RIC1: variants seen among roughly 807,000 people sequenced by gnomAD.
RIC1 encodes the protein guanine nucleotide exchange factor subunit RIC1.
A neutral mutation model predicts 169.0 loss-of-function variants in RIC1; 88 were observed. That is an observed-to-expected ratio of 0.52 (90% confidence interval 0.44 to 0.62). RIC1 has a LOEUF of 0.62. Among genes scored for constraint, RIC1 ranks in the 20% least tolerant of loss-of-function variants. The pLI is 0.00. For synonymous variants in RIC1, 790 were observed against 601.5 expected (o/e 1.31, Z -4.59); for missense variants, 1,877 against 1,725.5 (o/e 1.09, Z -1.56).
Position 5,775,939 on chromosome 9 carries a change from C to T in RIC1, c.*1693C>T, listed in dbSNP as rs1250259876. 6.6e-6 allele frequency: 1 copy of T among 152,130 alleles called. No homozygotes were observed. The highest frequency in any genetic ancestry group is 1.5e-5 in the Non-Finnish European group (1 of 68,002). 9.4% of individuals were successfully genotyped at this position (152,130 alleles called of 1,614,324 possible). A position where few individuals can be genotyped will look rare whatever the true frequency, so the allele number is the denominator to read the frequency against. The stretch of plus-strand genomic sequence containing the variant: ...ATAATGTTTTGCATGTGAGTACATG[C>T]AGCCCAGCAAGAAACTAAACTGAAC... On this transcript the variant is annotated 3_prime_UTR_variant, in exon 26 of 26. Transcript: ENST00000414202.
chr9:5,675,754 A>G (rs1188554954), intron 2 of RIC1, among the ~76,000 whole-genome samples: 1 of 152,226 alleles, frequency 6.6e-6, no homozygotes, highest in Non-Finnish European at 1.5e-5. Flanking sequence ...AATCATATGT[A>G]AAAACTAATG....
chr9:5,705,834 G>C (rs1246141166), intron 3 of RIC1, among the ~76,000 whole-genome samples: 1 of 151,822 alleles, frequency 6.6e-6, no homozygotes, highest in African/African-American at 2.4e-5. Context: ...CTCATTTGTT[G>C]AGTGTTTTTA....
At chr9:5,757,496 T>G (rs1383664656) in intron 17 of RIC1, 45 bp downstream of exon 17, 1 of 1,605,092 alleles carries the variant, frequency 6.2e-7, no homozygotes, top group South Asian at 1.1e-5. Flanking sequence ...CATTTCTGTT[T>G]TTAGTATTTG....
At position 5,721,887 on chromosome 9, in the gene RIC1, T is replaced by A. The variant is rs567796149; in HGVS notation, c.720+1137T>A. Among the ~76,000 whole-genome samples the A allele has an allele frequency of 4.3e-4, 66 of 152,024 alleles. 1 individual carries two copies. The highest frequency in any genetic ancestry group is 1.5e-3 in the African/African-American group (61 of 41,466). ...TGTTCTGTTCATTTCATCTTTTTTG[T>A]TTTCTTTTTTTTTTTTTTGAGATGG... On this transcript the variant is annotated intron_variant, in intron 6 of 25. Transcript: ENST00000414202.
rs1827551412 is a variant in RIC1, at chr9:5,775,817, C to A, written c.*1571C>A. ...AATAATATTTCACAAAATGAAACTC[C>A]CGAATGGGTGGAGTATGTGATTATT... On this transcript the variant is annotated 3_prime_UTR_variant, in exon 26 of 26. Transcript: ENST00000414202. 6.6e-6 allele frequency: 1 copy of A among 152,090 alleles called. No homozygotes were observed. The highest frequency in any genetic ancestry group is 1.5e-5 in the Non-Finnish European group (1 of 67,998). The allele number at this position is 152,090 out of a possible 1,614,324, so 9.4% of individuals were successfully genotyped here.
intron 1 of RIC1, among the ~76,000 whole-genome samples, chr9:5,655,740 A>G (rs1169923338): frequency 2.0e-5 from 3 of 151,744 alleles, no homozygotes; most frequent in Non-Finnish European, 2.9e-5. Context: ...CCAGGCTTGT[A>G]TTTCTGGGGT....
At chr9:5,737,556 A>G (rs961472427) in intron 7 of RIC1, among the ~76,000 whole-genome samples, 1 of 149,954 alleles carries the variant, frequency 6.7e-6, no homozygotes, top group Non-Finnish European at 1.5e-5. Flanking sequence ...CTATATATAT[A>G]TCAAATATGT....
chr9:5,726,009 C>G (rs1823954674), intron 6 of RIC1, among the ~76,000 whole-genome samples: 2 of 152,256 alleles, frequency 1.3e-5, no homozygotes, highest in African/African-American at 4.8e-5. Context: ...TGATGTGGTG[C>G]TGAGAAGAAT....
chr9:5,679,140 A>C (rs969004348), intron 2 of RIC1, among the ~76,000 whole-genome samples: 4 of 152,206 alleles, frequency 2.6e-5, no homozygotes, highest in African/African-American at 9.6e-5. Context: ...GGTTTGTCCA[A>C]GATCAGATAG....
chr9:5,661,788 T>A (rs1819467374), intron 2 of RIC1, among the ~76,000 whole-genome samples: 1 of 152,218 alleles, frequency 6.6e-6, no homozygotes, highest in Non-Finnish European at 1.5e-5. Flanking sequence ...AAAGATAGTT[T>A]AATTTTCTCT....
intron 3 of RIC1, among the ~76,000 whole-genome samples, chr9:5,705,322 A>G (rs968890326): frequency 3.3e-5 from 5 of 151,670 alleles, no homozygotes; most frequent in Non-Finnish European, 5.9e-5. Flanking sequence ...TACCTTTCCA[A>G]TTTCTTAGTT....
At chr9:5,641,623 G>A (rs544683492) in intron 1 of RIC1, among the ~76,000 whole-genome samples, 2 of 144,604 alleles carry the variant, frequency 1.4e-5, no homozygotes, top group Non-Finnish European at 3.0e-5. Flanking sequence ...TTTCTTTTGT[G>A]GTCTCCTCTG....
chr9:5,776,614 T>A (rs1351010625), downstream of RIC1: 1 of 152,112 alleles, frequency 6.6e-6, no homozygotes, highest in Non-Finnish European at 1.5e-5. Context: ...TTTCATTATA[T>A]AATTCTGCTT....
intron 6 of RIC1, among the ~76,000 whole-genome samples, chr9:5,724,844 T>A (rs925495297): frequency 6.6e-6 from 1 of 152,248 alleles, no homozygotes; most frequent in Admixed American, 6.5e-5. Flanking sequence ...GTTCTGTTTA[T>A]ATGCTGTATT....
intron 6 of RIC1, among the ~76,000 whole-genome samples, chr9:5,730,342 A>G (rs1352632892): frequency 1.3e-5 from 2 of 152,218 alleles, no homozygotes; most frequent in Non-Finnish European, 2.9e-5. Context: ...GGAGGCCAGC[A>G]ATCCAGTGAG....
chr9:5,722,178 G>A (rs1405452568), intron 6 of RIC1, among the ~76,000 whole-genome samples: 1 of 150,240 alleles, frequency 6.7e-6, no homozygotes, highest in Non-Finnish European at 1.5e-5. Context: ...GTCAGCCATG[G>A]TGCCCAGCCC....
At chr9:5,771,152 G>C (rs1261579328) in intron 23 of RIC1, among the ~76,000 whole-genome samples, 1 of 152,128 alleles carries the variant, frequency 6.6e-6, no homozygotes, top group Non-Finnish European at 1.5e-5. Context: ...TCTGCAATCA[G>C]CCTCCAGAAT....
intron 12 of RIC1, among the ~76,000 whole-genome samples, chr9:5,751,557 G>C (rs1825724203): frequency 6.6e-6 from 1 of 151,840 alleles, no homozygotes; most frequent in Non-Finnish European, 1.5e-5. Context: ...GTTTCACCAT[G>C]CTGGCCGGGC....
At chr9:5,679,547 G>A (rs1820683000) in intron 2 of RIC1, among the ~76,000 whole-genome samples, 2 of 151,834 alleles carry the variant, frequency 1.3e-5, no homozygotes, top group Admixed American at 1.3e-4. Context: ...CCTTGAAGAG[G>A]TCCTTCACAT....
Sources: gnomAD v4.1 joint callset for allele counts (sites outside exome capture counted in the v4.1 genomes callset) on GRCh38, gnomAD v4.1.1 for gene constraint, MANE v1.5 for transcripts, NCBI Gene and HGNC (gene_info 2026-07-23, HGNC 2026-07-21) for gene names.